ZNF600: variants seen among roughly 807,000 people sequenced by gnomAD.
ZNF600 encodes zinc finger protein 600, also known as zinc finger protein KR-ZNF1.
In ZNF600, 4 loss-of-function variants were observed where a neutral mutation model predicts 7.3. The observed-to-expected ratio is 0.55, with a 90% CI of 0.27 to 1.25. The LOEUF is 1.25. ZNF600 is among the 50% of genes most tolerant of loss of function. The probability of loss-of-function intolerance (pLI) is 0.12; values close to 1 mark genes in which losing one functional copy is unlikely to be tolerated. For missense variants in ZNF600, 911 were observed against 922.1 expected (o/e 0.99, Z 0.16); for synonymous variants, 290 against 308.9 (o/e 0.94, Z 0.64).
chr19:52,810,261 G>A, the ZNF600 span: 2 of 1,352,294 alleles, frequency 1.5e-6, no homozygotes, highest in Admixed American at 3.4e-5. Context: ...AGGCAATGCT[G>A]GCCCAGTGAT....
chr19:52,766,640 G>T (rs1198441703), exon 4 of ZNF600: 1 of 1,613,892 alleles, frequency 6.2e-7, no homozygotes, highest in Non-Finnish European at 8.5e-7. Flanking sequence ...GGCATACAAG[G>T]GATGACTTGT....
intron 1 of ZNF600, 47 bp from the exon 4 acceptor site, chr19:52,778,954 C>T (rs1395528910): frequency 1.3e-6 from 2 of 1,533,616 alleles, no homozygotes; most frequent in East Asian, 2.3e-5. Flanking sequence ...TGACTCACTC[C>T]CATCCTGTGA....
the ZNF600 span, among the ~76,000 whole-genome samples, chr19:52,792,238 G>T: frequency 9.9e-5 from 15 of 152,150 alleles, no homozygotes; most frequent in Non-Finnish European, 1.6e-4. Context: ...CAGGCAATGT[G>T]GACCAGAGGT....
chr19:52,799,520 G>T, the ZNF600 span: 1 of 1,276,516 alleles, frequency 7.8e-7, no homozygotes, highest in East Asian at 2.3e-5. Context: ...CATTACACTT[G>T]TAAAGTTTCT....
intron 1 of ZNF600, among the ~76,000 whole-genome samples, 156 bp from the exon 2 acceptor site, chr19:52,781,620 G>T (rs1191148231): frequency 6.6e-6 from 1 of 152,100 alleles, no homozygotes. Context: ...CAAAAAATTA[G>T]CCAGGCATCA....
upstream of ZNF600, among the ~76,000 whole-genome samples, chr19:52,787,806 G>A (rs1360249255): frequency 6.9e-6 from 1 of 145,850 alleles, no homozygotes; most frequent in Non-Finnish European, 1.5e-5. Context: ...CGTGCAGTGA[G>A]CCAAGATCGT....
chr19:52,801,213 C>T, the ZNF600 span: 2 of 1,613,950 alleles, frequency 1.2e-6, no homozygotes, highest in East Asian at 2.2e-5. Context: ...AGATTTTTCT[C>T]TCATGTGTAC....
chr19:52,817,199 C>T, the ZNF600 span, among the ~76,000 whole-genome samples: 1 of 152,008 alleles, frequency 6.6e-6, no homozygotes, highest in African/African-American at 2.4e-5. Context: ...ATGGAGAAAC[C>T]TCGTCTCTAC....
exon 4 of ZNF600, chr19:52,767,085 C>G: frequency 6.2e-7 from 1 of 1,614,070 alleles, no homozygotes; most frequent in Non-Finnish European, 8.5e-7. Context: ...GAAGGACTTT[C>G]CACACTCATT....
the ZNF600 span, among the ~76,000 whole-genome samples, chr19:52,792,926 C>G: frequency 6.6e-6 from 1 of 151,762 alleles, no homozygotes; most frequent in East Asian, 2.0e-4. Context: ...TTAGTAGAGA[C>G]AGGGTTTCAC....
At chr19:52,832,548 T>C in the ZNF600 span, among the ~76,000 whole-genome samples, 1 of 151,458 alleles carries the variant, frequency 6.6e-6, no homozygotes, top group South Asian at 2.1e-4. Context: ...TCAGCTGAGA[T>C]CCCATCACTG....
the ZNF600 span, among the ~76,000 whole-genome samples, chr19:52,795,472 G>A: frequency 1.3e-5 from 2 of 151,854 alleles, no homozygotes; most frequent in Non-Finnish European, 1.5e-5. Flanking sequence ...AATAAAATGT[G>A]GGGTCAAAGA....
the ZNF600 span, among the ~76,000 whole-genome samples, chr19:52,820,582 G>A: frequency 1.3e-5 from 2 of 151,776 alleles, no homozygotes; most frequent in African/African-American, 4.9e-5. Context: ...TGTCCTCCCC[G>A]CTGTGCTTCT....
At chr19:52,779,976 A>C (rs1600394131) in intron 1 of ZNF600, among the ~76,000 whole-genome samples, 1 of 152,144 alleles carries the variant, frequency 6.6e-6, no homozygotes, top group South Asian at 2.1e-4. Context: ...AGACTGTGCC[A>C]CTGCACTCCA....
the ZNF600 span, among the ~76,000 whole-genome samples, chr19:52,811,874 T>G: frequency 7.8e-6 from 1 of 128,200 alleles, no homozygotes; most frequent in African/African-American, 3.1e-5. Flanking sequence ...AGCCGCCCCG[T>G]CCGGGAGGGA....
rs192030090 is a variant in ZNF600 at position 52,774,025 on chromosome 19, A to G, written c.190+550T>C. On this transcript the variant is annotated intron_variant, in intron 3 of 3. Transcript: ENST00000648973. ...GTGCCACTACACCCAGCCTGGCAGC[A>G]TTATTTATAATAGTAAAGAGAAGAA... 8.7e-4 allele frequency among the ~76,000 whole-genome samples: 132 copies of G among 152,058 alleles called. 1 individual carries two copies. In the East Asian group the frequency reaches 0.022, roughly 26 times the overall value.
the ZNF600 span, among the ~76,000 whole-genome samples, chr19:52,809,250 T>G: frequency 6.6e-6 from 1 of 152,152 alleles, no homozygotes; most frequent in Non-Finnish European, 1.5e-5. Flanking sequence ...ATATCTGTAG[T>G]AATGCGGACG....
At chr19:52,820,870 T>C in the ZNF600 span, among the ~76,000 whole-genome samples, 1 of 152,100 alleles carries the variant, frequency 6.6e-6, no homozygotes, top group South Asian at 2.1e-4. Flanking sequence ...ATTCTTCTTT[T>C]CTCTGTCTCA....
rs879199330 is a variant in ZNF600, at chr19:52,766,163, G to T, written c.1800C>A (p.Cys600Ter). ...ATGACCTCTGACTGAAGGTCTTGCT[G>T]CACTCATTACACTTGTAAGGTTTCT... is the stretch of plus-strand genomic sequence containing the variant. Residue 600 changes from cysteine (C) to a stop codon, truncating the protein, a stop_gained, in exon 4 of 4, where the codon TGC (cysteine) becomes TGA (stop). Coordinates refer to ENST00000648973, the Ensembl canonical transcript of ZNF600. LOFTEE classifies it low-confidence loss of function (END_TRUNC). The T allele has an allele frequency of 6.2e-7, 1 of 1,613,598 alleles. No homozygotes were observed. Among genetic ancestry groups the T allele is most frequent in the South Asian group, 1.1e-5 (1 of 91,032 alleles).
Sources: gnomAD v4.1 joint callset for allele counts (sites outside exome capture counted in the v4.1 genomes callset) on GRCh38, gnomAD v4.1.1 for gene constraint, MANE v1.5 for transcripts, NCBI Gene and HGNC (gene_info 2026-07-23, HGNC 2026-07-21) for gene names.